The following MTCL1 variants were observed in gnomAD, a reference collection of about 807,000 sequenced individuals.
MTCL1 encodes the protein microtubule cross-linking factor 1.
In MTCL1, 79 loss-of-function variants were observed where a neutral mutation model predicts 141.4. That is an observed-to-expected ratio of 0.56 (90% confidence interval 0.47 to 0.67). The LOEUF (loss-of-function observed/expected upper bound fraction) is 0.67. MTCL1 is among the 30% of genes least tolerant of loss of function. The probability of loss-of-function intolerance (pLI) is 0.00; values close to 1 mark genes in which losing one functional copy is unlikely to be tolerated. For missense variants in MTCL1, 2,177 were observed against 2,113.9 expected (o/e 1.03, Z -0.59); for synonymous variants, 914 against 875.8 (o/e 1.04, Z -0.77).
At chr18:8,831,503 A>G (rs1202040356) in intron 16 of MTCL1, 104 bp from the exon 15 acceptor site, 1 of 1,486,768 alleles carries the variant, frequency 6.7e-7, no homozygotes, top group African/African-American at 1.4e-5. Context: ...CCTGTGGTGT[A>G]TACTTCATCT....
intron 7 of MTCL1, 40 bp downstream of exon 6, chr18:8,786,131 C>CCCCCTTT: frequency 6.6e-7 from 1 of 1,520,140 alleles, no homozygotes. Flanking sequence ...CGCCCTCCCC[C>CCCCCTTT]TCCTTTTTCT....
rs544481424 is a variant in MTCL1, at chr18:8,732,222, C to T, written c.357+11726C>T. Among the ~76,000 whole-genome samples, 15 of 151,482 alleles carry T rather than the reference C, an allele frequency of 9.9e-5. No individual in the cohort carries two copies. In the South Asian group the frequency reaches 3.0e-3, roughly 30 times the overall value. ...GCCTCACCCTCCCGAGTAGCTGAGA[C>T]TACAGGCGTGTGCCACCACACCCGG... On this transcript the variant is annotated intron_variant, in intron 4 of 16. Coordinates refer to ENST00000359865, the Ensembl canonical transcript of MTCL1.
At chr18:8,817,126 T>C (rs1056542106) in intron 12 of MTCL1, among the ~76,000 whole-genome samples, 1 of 152,206 alleles carries the variant, frequency 6.6e-6, no homozygotes, top group African/African-American at 2.4e-5. Context: ...ACACCCTCAG[T>C]GCACATTTGC....
intron 4 of MTCL1, among the ~76,000 whole-genome samples, chr18:8,739,261 TAAAA>T (rs995341069): frequency 1.3e-5 from 2 of 151,794 alleles, no homozygotes; most frequent in Non-Finnish European, 2.9e-5. Flanking sequence ...AATTAAAAAT[TAAAA>T]AACACCCTGA....
chr18:8,762,331 G>A (rs2096436501), intron 4 of MTCL1, among the ~76,000 whole-genome samples: 1 of 152,262 alleles, frequency 6.6e-6, no homozygotes, highest in South Asian at 2.1e-4. Flanking sequence ...GCCTGTGAAT[G>A]TGCACAATAC....
chr18:8,809,494 G>C, intron 11 of MTCL1: 1 of 1,536,152 alleles, frequency 6.5e-7, no homozygotes, highest in East Asian at 2.4e-5. Context: ...GAGACTTTAG[G>C]CTTCACCAGG....
chr18:8,812,850 T>C (rs1428771262), intron 11 of MTCL1, 129 bp from the exon 11 acceptor site: 2 of 1,196,192 alleles, frequency 1.7e-6, no homozygotes, highest in Admixed American at 2.5e-5. Flanking sequence ...AAAATTTGTT[T>C]ATACTGTGGG....
chr18:8,747,732 CAG>C (rs2148937872), intron 4 of MTCL1, among the ~76,000 whole-genome samples: 1 of 152,334 alleles, frequency 6.6e-6, no homozygotes, highest in African/African-American at 2.4e-5. Context: ...TACAGGAAAA[CAG>C]AGAAGCTGAG....
exon 1 of MTCL1, chr18:8,706,642 G>A: frequency 5.2e-6 from 8 of 1,546,234 alleles, no homozygotes; most frequent in Non-Finnish European, 7.0e-6. Flanking sequence ...GTCTCGGCTC[G>A]TGCCAGCGGC....
At chr18:8,746,434 T>C (rs571349517) in intron 4 of MTCL1, among the ~76,000 whole-genome samples, 1 of 152,318 alleles carries the variant, frequency 6.6e-6, no homozygotes, top group African/African-American at 2.4e-5. Flanking sequence ...TGAGGTGAAA[T>C]ATCTAAAGTG....
chr18:8,748,593 CAT>C (rs1053190794), intron 4 of MTCL1, among the ~76,000 whole-genome samples: 9 of 151,936 alleles, frequency 5.9e-5, no homozygotes, highest in African/African-American at 1.7e-4. Flanking sequence ...CACACACACA[CAT>C]ATACACACAT....
At chr18:8,793,025 C>G (rs1325815503) in exon 8 of MTCL1, 8 of 1,614,080 alleles carry the variant, frequency 5.0e-6, no homozygotes, top group Non-Finnish European at 6.8e-6. Context: ...TTTACCTGAG[C>G]AGAGTGTATC....
At chr18:8,765,663 C>G (rs994835067) in intron 4 of MTCL1, among the ~76,000 whole-genome samples, 1 of 152,226 alleles carries the variant, frequency 6.6e-6, no homozygotes, top group African/African-American at 2.4e-5. Context: ...CATGCTTCCT[C>G]CAAGGAAGCT....
chr18:8,824,882 C>T (rs756698566), exon 15 of MTCL1: 46 of 1,613,874 alleles, frequency 2.9e-5, no homozygotes, highest in South Asian at 8.8e-5. Context: ...ACAGGGGCCA[C>T]AATGGTGGGG....
At chr18:8,706,604 C>T (rs947823345) in exon 1 of MTCL1, 6 of 1,527,810 alleles carry the variant, frequency 3.9e-6, no homozygotes, top group East Asian at 5.1e-5. Context: ...GTCCCCGGGA[C>T]CCCCAAGGAG....
At position 8,785,925 on chromosome 18, in the gene MTCL1, G is replaced by T; in HGVS notation, c.1732-11G>T. On this transcript the variant is annotated splice_polypyrimidine_tract_variant and intron_variant, in intron 6 of 16. Transcript: ENST00000359865. ...AACAACAACAACAAATTCCTCCCGT[G>T]CACCTAACAGTCCAGACTGAAAGAG... 4 of 1,573,454 alleles carry T rather than the reference G, an allele frequency of 2.5e-6. No individual in the cohort carries two copies. In the South Asian group the frequency reaches 3.5e-5, roughly 14 times the overall value.
At chr18:8,727,151 C>T (rs181023417) in intron 4 of MTCL1, among the ~76,000 whole-genome samples, 122 of 152,206 alleles carry the variant, frequency 8.0e-4, no homozygotes, top group Non-Finnish European at 1.3e-3. Flanking sequence ...TTTATTGCTG[C>T]GTAGTATTCC....
Position 8,779,076 on chromosome 18 carries a change from C to T in MTCL1, c.417+1184C>T, listed in dbSNP as rs1469237887. Among the ~76,000 whole-genome samples, 1 of 152,234 alleles carries T rather than the reference C, an allele frequency of 6.6e-6. No individual in the cohort carries two copies. Among genetic ancestry groups the T allele is most frequent in the African/African-American group, 2.4e-5 (1 of 41,464 alleles). The stretch of plus-strand genomic sequence containing the variant: ...CGCCCTGGGAACTGCAGGCCCGCAA[C>T]CAAAACCCAAAGGAAGCTGGCGCCC... On this transcript the variant is annotated intron_variant, in intron 5 of 16. Transcript: ENST00000359865. This position sits in a 1 kb window ranked among gnomAD's most constrained non-coding sequence, Gnocchi z 4.1.
At chr18:8,769,342 A>G (rs1490562352) in intron 4 of MTCL1, among the ~76,000 whole-genome samples, 1 of 152,146 alleles carries the variant, frequency 6.6e-6, no homozygotes, top group Non-Finnish European at 1.5e-5. Flanking sequence ...TGCAGTCATC[A>G]TTATGGTTTT....
Sources: gnomAD v4.1 joint callset for allele counts (sites outside exome capture counted in the v4.1 genomes callset) on GRCh38, gnomAD v4.1.1 for gene constraint, Gnocchi (gnomAD v3.1) non-coding constraint, MANE v1.5 for transcripts, NCBI Gene and HGNC (gene_info 2026-07-23, HGNC 2026-07-21) for gene names.